The following ATP8A1 variants were observed in gnomAD, a reference collection of about 807,000 sequenced individuals.
The protein encoded by ATP8A1 is phospholipid-transporting ATPase IA.
A neutral mutation model predicts 177.7 loss-of-function variants in ATP8A1; 90 were observed. The ratio of observed to expected loss-of-function variants is 0.51; its 90% CI spans 0.43 to 0.60. ATP8A1 has a LOEUF of 0.60. Among genes scored for constraint, ATP8A1 ranks in the 20% least tolerant of loss-of-function variants. The pLI, the probability that ATP8A1 is intolerant of heterozygous loss-of-function variation, is 0.00. For missense variants in ATP8A1, 1,072 were observed against 1,392.8 expected (o/e 0.77, Z 3.67); for synonymous variants, 493 against 485.9 (o/e 1.01, Z -0.19).
chr4:42,651,853 A>G (rs1741131724), intron 1 of ATP8A1, among the ~76,000 whole-genome samples: 1 of 152,216 alleles, frequency 6.6e-6, no homozygotes, highest in Non-Finnish European at 1.5e-5. Flanking sequence ...CTACCTCCAC[A>G]CTAGTTTTAC....
chr4:42,454,395 G>A (rs1211052212), intron 29 of ATP8A1, among the ~76,000 whole-genome samples: 1 of 152,176 alleles, frequency 6.6e-6, no homozygotes, highest in Non-Finnish European at 1.5e-5. Context: ...AAGATTCTGA[G>A]TTAAGGTTAC....
intron 33 of ATP8A1, among the ~76,000 whole-genome samples, chr4:42,436,855 T>C (rs1010489448): frequency 6.6e-6 from 1 of 152,194 alleles, no homozygotes; most frequent in African/African-American, 2.4e-5. Flanking sequence ...AACCAGGAAA[T>C]TCCTCATATG....
chr4:42,451,259 A>G (rs1016979605), intron 30 of ATP8A1, among the ~76,000 whole-genome samples: 2 of 152,128 alleles, frequency 1.3e-5, no homozygotes, highest in Admixed American at 1.3e-4. Flanking sequence ...TGTACTTATA[A>G]AGGACTGACA....
intron 4 of ATP8A1, among the ~76,000 whole-genome samples, chr4:42,616,599 C>T (rs181816275): frequency 6.6e-6 from 1 of 152,308 alleles, no homozygotes; most frequent in East Asian, 1.9e-4. Context: ...CCAACGATGT[C>T]TACCACTGGC....
At chr4:42,587,310 CTT>C (rs991848308) in intron 8 of ATP8A1, among the ~76,000 whole-genome samples, 16 of 137,366 alleles carry the variant, frequency 1.2e-4, no homozygotes, top group Admixed American at 2.2e-4. Context: ...CTTTTCTTTT[CTT>C]TTTTTTTTTT....
intron 20 of ATP8A1, among the ~76,000 whole-genome samples, chr4:42,541,118 C>T (rs1256578979): frequency 6.6e-6 from 1 of 151,316 alleles, no homozygotes; most frequent in East Asian, 1.9e-4. Context: ...AGAGTGAGAC[C>T]CTGTCTCTAA....
rs1466372880 is a variant in ATP8A1, at chr4:42,435,757, T to C, written c.3123+7808A>G. Among the ~76,000 whole-genome samples, 9 of 152,324 alleles carry C rather than the reference T, an allele frequency of 5.9e-5. 1 individual carries two copies. Among genetic ancestry groups the C allele is most frequent in the African/African-American group, 2.2e-4 (9 of 41,582 alleles). On this transcript the variant is annotated intron_variant, in intron 33 of 36. Coordinates refer to ENST00000381668, the MANE Select transcript of ATP8A1 (RefSeq NM_006095.2). ...GCTACTCCTTGAGCGTGAAATGCTC[T>C]TCTTCATATGACAGGTATTCATTCC...
chr4:42,606,476 A>T (rs767836427), intron 5 of ATP8A1, among the ~76,000 whole-genome samples: 1 of 152,134 alleles, frequency 6.6e-6, no homozygotes, highest in Non-Finnish European at 1.5e-5. Flanking sequence ...TAGTTAAGCC[A>T]TCAATCTCTA....
At chr4:42,548,602 T>C (rs1729168714) in intron 19 of ATP8A1, among the ~76,000 whole-genome samples, 2 of 152,214 alleles carry the variant, frequency 1.3e-5, no homozygotes, top group Admixed American at 1.3e-4. Flanking sequence ...ACATTGTTGT[T>C]AACTATAGTT....
At chr4:42,453,695 G>T (rs1718175580) in intron 29 of ATP8A1, among the ~76,000 whole-genome samples, 1 of 152,188 alleles carries the variant, frequency 6.6e-6, no homozygotes, top group African/African-American at 2.4e-5. Context: ...AAGCAAGAAT[G>T]GCATGGCCAA....
At chr4:42,426,775 T>C (rs1250907292) in intron 33 of ATP8A1, among the ~76,000 whole-genome samples, 1 of 152,252 alleles carries the variant, frequency 6.6e-6, no homozygotes, top group Non-Finnish European at 1.5e-5. Flanking sequence ...ATGATGTTCA[T>C]CTCAATAATA....
At chr4:42,635,776 C>CATATATAT (rs1489319364) in intron 1 of ATP8A1, among the ~76,000 whole-genome samples, 3 of 37,206 alleles carry the variant, frequency 8.1e-5, no homozygotes, top group South Asian at 2.0e-3. Flanking sequence ...CACACACACA[C>CATATATAT]ACACACATAT....
At chr4:42,422,734 C>CAAGA (rs1577900646) in intron 35 of ATP8A1, 73 bp downstream of exon 35, 2 of 1,221,822 alleles carry the variant, frequency 1.6e-6, no homozygotes, top group East Asian at 4.8e-5. Flanking sequence ...AGTCTTATCA[C>CAAGA]TTATTTCCAA....
intron 35 of ATP8A1, 73 bp from the exon 36 acceptor site, chr4:42,414,791 C>A: frequency 9.1e-7 from 1 of 1,093,556 alleles, no homozygotes; most frequent in Non-Finnish European, 1.4e-6. Flanking sequence ...ACAGGACCAC[C>A]AAAGAGAGTT....
intron 22 of ATP8A1, among the ~76,000 whole-genome samples, chr4:42,515,210 A>T (rs1725410877): frequency 6.6e-6 from 1 of 152,222 alleles, no homozygotes; most frequent in Non-Finnish European, 1.5e-5. Context: ...TTCTTAAGCA[A>T]ATAGAACAGG....
chr4:42,446,505 T>C, intron 31 of ATP8A1, 78 bp downstream of exon 31: 1 of 1,458,570 alleles, frequency 6.9e-7, no homozygotes, highest in Non-Finnish European at 9.5e-7. Context: ...TCATATCACG[T>C]TTAAATTTAA....
rs1184759390 is a variant in ATP8A1, at chr4:42,625,685, G to T, written c.193C>A (p.Leu65Ile). Reference protein sequence around the residue: ...STAKYNIITFLPRFLYSQFRR... With the variant: ...STAKYNIITFIPRFLYSQFRR... ...AACTGAGAGTAGAGAAATCTTGGAA[G>T]GAATGTGATTATGTTGTATTTTGCA... is the stretch of plus-strand genomic sequence containing the variant. Residue 65 changes from leucine to isoleucine, a missense_variant, in exon 3 of 37, where the codon CTT becomes ATT. Leu to Ile is a conservative substitution (Grantham distance 5). Coordinates refer to ENST00000381668, the MANE Select transcript of ATP8A1 (RefSeq NM_006095.2). 2.5e-6 allele frequency: 4 copies of T among 1,606,336 alleles called. No homozygotes were observed. Among genetic ancestry groups the T allele is most frequent in the Non-Finnish European group, 3.4e-6 (4 of 1,176,158 alleles).
At chr4:42,494,109 G>A (rs191820801) in intron 24 of ATP8A1, among the ~76,000 whole-genome samples, 2 of 129,832 alleles carry the variant, frequency 1.5e-5, no homozygotes, top group African/African-American at 5.5e-5. Context: ...GCTGAGGCAG[G>A]AGAATTTCTT....
At chr4:42,471,920 A>C in intron 25 of ATP8A1, 4 of 650,186 alleles carry the variant, frequency 6.2e-6, no homozygotes, top group Non-Finnish European at 1.2e-5. Flanking sequence ...TCGGACCTCA[A>C]GGCTCAGCTC....
Sources: allele counts gnomAD v4.1 joint callset (sites outside exome capture counted in the v4.1 genomes callset), GRCh38; gene constraint gnomAD v4.1.1; transcripts MANE v1.5; gene names NCBI Gene and HGNC (gene_info 2026-07-23, HGNC 2026-07-21).